ADK: variants seen among roughly 807,000 people sequenced by gnomAD.
The protein encoded by ADK is adenosine kinase.
ADK carries 24 observed loss-of-function variants against 44.7 expected under a neutral mutation model. That is an observed-to-expected ratio of 0.54 (90% CI 0.39 to 0.76). The LOEUF (loss-of-function observed/expected upper bound fraction) is 0.76. ADK is among the 30% of genes least tolerant of loss of function. The pLI is 0.00. For synonymous variants in ADK, 128 were observed against 142.6 expected (o/e 0.90, Z 0.73); for missense variants, 321 against 425.1 (o/e 0.76, Z 2.15).
intron 2 of ADK, among the ~76,000 whole-genome samples, chr10:74,222,976 C>A (rs2132238302): frequency 6.6e-6 from 1 of 151,950 alleles, no homozygotes; most frequent in East Asian, 1.9e-4. Context: ...CTAACCTGCA[C>A]AATGTGCACA....
chr10:74,344,543 A>T (rs1592075181), intron 4 of ADK: 1 of 241,592 alleles, frequency 4.1e-6, no homozygotes, highest in African/African-American at 2.3e-5. Flanking sequence ...GGACTTCTCT[A>T]TCATGGTTGG....
intron 4 of ADK, among the ~76,000 whole-genome samples, chr10:74,348,982 A>G (rs1841869007): frequency 6.6e-6 from 1 of 152,158 alleles, no homozygotes; most frequent in African/African-American, 2.4e-5. Context: ...CAAGTTGGAA[A>G]ACACACTTCA....
At chr10:74,664,828 C>A (rs114282145) in intron 9 of ADK, among the ~76,000 whole-genome samples, 2,658 of 151,910 alleles carry the variant, frequency 0.017, 70 homozygotes, top group African/African-American at 0.061. Context: ...GGCGACGCAG[C>A]GAAACTCCAT....
intron 1 of ADK, among the ~76,000 whole-genome samples, chr10:74,199,049 A>G (rs1843267814): frequency 6.6e-6 from 1 of 152,220 alleles, no homozygotes; most frequent in Admixed American, 6.5e-5. Context: ...TTCTATAAAA[A>G]GTTAGCATAT....
At chr10:74,327,936 T>G (rs1314434132) in intron 4 of ADK, among the ~76,000 whole-genome samples, 1 of 152,212 alleles carries the variant, frequency 6.6e-6, no homozygotes, top group Non-Finnish European at 1.5e-5. Context: ...TGAGATACAG[T>G]CTCACTCTGT....
intron 9 of ADK, among the ~76,000 whole-genome samples, chr10:74,610,997 A>G (rs1278958077): frequency 6.6e-6 from 1 of 152,074 alleles, no homozygotes; most frequent in Non-Finnish European, 1.5e-5. Context: ...TTCCAATTAA[A>G]TAGGTCCACT....
chr10:74,155,623 G>A (rs180955819), intron 1 of ADK, among the ~76,000 whole-genome samples: 2,564 of 152,220 alleles, frequency 0.017, 76 homozygotes, highest in African/African-American at 0.058. Flanking sequence ...TCCGCTTCCC[G>A]GGTTCATGCC....
chr10:74,465,457 T>C (rs1376625324), intron 6 of ADK, among the ~76,000 whole-genome samples: 2 of 152,198 alleles, frequency 1.3e-5, no homozygotes, highest in Non-Finnish European at 2.9e-5. Context: ...CAAAAGCCTT[T>C]AGAGGGTTTT....
At chr10:74,657,254 T>A (rs1854522626) in intron 9 of ADK, among the ~76,000 whole-genome samples, 1 of 152,222 alleles carries the variant, frequency 6.6e-6, no homozygotes, top group South Asian at 2.1e-4. Context: ...TTCTCATTTT[T>A]AAATGATGGA....
chr10:74,427,924 C>G (rs767588936), intron 6 of ADK, among the ~76,000 whole-genome samples: 3 of 152,064 alleles, frequency 2.0e-5, no homozygotes, highest in Non-Finnish European at 4.4e-5. Context: ...TTCAGGCGGC[C>G]AGAGCTCCAA....
intron 3 of ADK, among the ~76,000 whole-genome samples, chr10:74,255,186 T>C (rs1291759058): frequency 1.3e-5 from 2 of 152,100 alleles, no homozygotes; most frequent in Non-Finnish European, 2.9e-5. Flanking sequence ...TTAGAAATTA[T>C]AAAGGCAAAA....
intron 1 of ADK, among the ~76,000 whole-genome samples, chr10:74,182,222 G>T (rs1053123811): frequency 2.6e-5 from 4 of 150,948 alleles, no homozygotes; most frequent in Non-Finnish European, 4.4e-5. Context: ...TTTAAAATAC[G>T]AATTGTAAAT....
chr10:74,363,058 C>T (rs1196801063), intron 4 of ADK, among the ~76,000 whole-genome samples: 2 of 152,220 alleles, frequency 1.3e-5, no homozygotes, highest in Admixed American at 6.5e-5. Context: ...CTGATTGGCT[C>T]ACCTCATTGG....
intron 3 of ADK, among the ~76,000 whole-genome samples, chr10:74,239,748 A>G (rs907492199): frequency 3.3e-5 from 5 of 149,994 alleles, no homozygotes; most frequent in African/African-American, 4.9e-5. Context: ...AAAAGACACA[A>G]TAAAAGTAAA....
intron 3 of ADK, among the ~76,000 whole-genome samples, chr10:74,280,415 AACACACACACAC>A (rs71021599): frequency 6.9e-6 from 1 of 144,342 alleles, no homozygotes; most frequent in East Asian, 2.0e-4. Context: ...AACAAGTTTA[AACACACACACAC>A]ACACACACAC....
chr10:74,678,156 A>C (rs1180693576), intron 10 of ADK, among the ~76,000 whole-genome samples: 1 of 151,370 alleles, frequency 6.6e-6, no homozygotes, highest in Non-Finnish European at 1.5e-5. Flanking sequence ...AAAAAAAAAA[A>C]AAAAGGATAT....
At chr10:74,179,541 A>G (rs1842461323) in intron 1 of ADK, among the ~76,000 whole-genome samples, 3 of 152,168 alleles carry the variant, frequency 2.0e-5, no homozygotes, top group African/African-American at 4.8e-5. Context: ...CTTATTATAC[A>G]CTAATTATAA....
chr10:74,254,027 A>C (rs941738997), intron 3 of ADK, among the ~76,000 whole-genome samples: 1 of 152,106 alleles, frequency 6.6e-6, no homozygotes, highest in Non-Finnish European at 1.5e-5. Flanking sequence ...TCAGCCTCCC[A>C]AAGTGCTGGG....
intron 6 of ADK, among the ~76,000 whole-genome samples, chr10:74,503,100 G>A (rs904980146): frequency 3.3e-5 from 5 of 152,116 alleles, no homozygotes; most frequent in Non-Finnish European, 1.5e-5. Context: ...GGTCAACAAA[G>A]TATGGCCTAT....
Sources: gnomAD v4.1 joint callset for allele counts (sites outside exome capture counted in the v4.1 genomes callset) on GRCh38, gnomAD v4.1.1 for gene constraint, MANE v1.5 for transcripts, NCBI Gene and HGNC (gene_info 2026-07-23, HGNC 2026-07-21) for gene names.